The following PHLDB1 variants were observed in gnomAD, a reference collection of about 807,000 sequenced individuals.
PHLDB1 encodes the protein pleckstrin homology-like domain family B member 1.
A neutral mutation model predicts 139.3 loss-of-function variants in PHLDB1; 65 were observed. The ratio of observed to expected loss-of-function variants is 0.47; its 90% CI spans 0.38 to 0.57. PHLDB1 has a LOEUF of 0.57. PHLDB1 is among the 20% of genes least tolerant of loss of function. PHLDB1 has a pLI of 0.00. For synonymous variants in PHLDB1, 679 were observed against 734.5 expected, an observed-to-expected ratio of 0.92 and a Z score of 1.22; for missense variants, 1,624 against 1,839.7, an observed-to-expected ratio of 0.88 and a Z score of 2.14.
chr11:118,655,966 C>A, intron 22 of PHLDB1, 74 bp downstream of exon 22: 2 of 1,039,168 alleles, frequency 1.9e-6, no homozygotes, highest in Non-Finnish European at 3.0e-6. Context: ...CCCTTGACCT[C>A]CCCTTCATCC....
At chr11:118,651,824 T>A (rs1344139298) in intron 20 of PHLDB1, 1 of 151,168 alleles carries the variant, frequency 6.6e-6, no homozygotes. Context: ...GGCTTACAAG[T>A]ACTAGGCTTC....
At chr11:118,640,192 A>G (rs1469073750) in intron 12 of PHLDB1, 1 of 154,342 alleles carries the variant, frequency 6.5e-6, no homozygotes, top group African/African-American at 2.4e-5. Context: ...TGTGCAGCCC[A>G]TTGAATTGCA....
At chr11:118,646,192 G>A (rs530198106) in intron 17 of PHLDB1, 29 of 185,138 alleles carry the variant, frequency 1.6e-4, no homozygotes, top group African/African-American at 5.5e-4. Context: ...CCCGGGAGGC[G>A]GAGGTTGCAG....
chr11:118,632,259 T>C lies in PHLDB1; in HGVS notation c.2342T>C (p.Val781Ala). The C allele has an allele frequency of 3.1e-6, 5 of 1,613,558 alleles. No homozygotes were observed. Among genetic ancestry groups the C allele is most frequent in the Non-Finnish European group, 4.2e-6 (5 of 1,180,018 alleles). ...KAVDQLQEKLVALETGIQKER... is the reference protein window; with the variant it reads ...KAVDQLQEKLAALETGIQKER... Reference sequence around the variant, plus strand: ...GTGGATCAGCTGCAGGAGAAGCTGGTGGCCTTGGAGACAGGCATCCAGAAG... The same window carrying C: ...GTGGATCAGCTGCAGGAGAAGCTGGCGGCCTTGGAGACAGGCATCCAGAAG... Residue 781 changes from valine (V) to alanine (A), a missense_variant, in exon 9 of 23, where the codon GTG becomes GCG. Transcript: ENST00000600882. This position sits in a 1 kb window ranked among gnomAD's most constrained non-coding sequence, Gnocchi z 5.9.
chr11:118,653,602 A>G (rs1285179854), intron 20 of PHLDB1: 5 of 152,126 alleles, frequency 3.3e-5, no homozygotes, highest in African/African-American at 7.2e-5. Flanking sequence ...TTTAGTAGCT[A>G]TTTACATAGC....
At chr11:118,638,373 A>G (rs1353189816) in intron 10 of PHLDB1, among the ~76,000 whole-genome samples, 2 of 152,270 alleles carry the variant, frequency 1.3e-5, no homozygotes, top group South Asian at 2.1e-4. Flanking sequence ...TATTCAAGTA[A>G]TATTCCTTTT....
rs201420570 is a variant in PHLDB1 at position 118,645,679 on chromosome 11, C to G, written c.3416+29C>G. The G allele has an allele frequency of 6.2e-7, 1 of 1,613,282 alleles. No individual in the cohort carries two copies. Among genetic ancestry groups the G allele is most frequent in the Non-Finnish European group, 8.5e-7 (1 of 1,179,236 alleles). The stretch of plus-strand genomic sequence containing the variant: ...CACCCGACGCCTGGGCCCGCAGCCT[C>G]CCTCAGCCACCGCCTCAGCTCCTTG... On this transcript the variant is annotated intron_variant, in intron 16 of 22. Coordinates refer to ENST00000600882, the MANE Select transcript of PHLDB1 (RefSeq NM_001144758.3). The surrounding 1 kb of genome is among the most constrained non-coding windows in gnomAD (Gnocchi z 5.1).
Position 118,610,810 on chromosome 11 carries a change from GGGA to G in PHLDB1, c.-21-3000_-21-2998del, listed in dbSNP as rs1940052677. 6.6e-6 allele frequency among the ~76,000 whole-genome samples: 1 copy of G among 152,222 alleles called. No individual in the cohort carries two copies. Among genetic ancestry groups the G allele is most frequent in the African/African-American group, 2.4e-5 (1 of 41,470 alleles). On this transcript the variant is annotated intron_variant, in intron 1 of 22. Transcript: ENST00000600882. The surrounding 1 kb of genome is among the most constrained non-coding windows in gnomAD (Gnocchi z 8.7). ...CTGGGGTGTCGGCGCATTCCCGCGGGGGAGGAGGCCGAGGGCCCGGGCCGGGGT... is the reference window on the plus strand; with the variant it reads ...CTGGGGTGTCGGCGCATTCCCGCGGGGGAGGCCGAGGGCCCGGGCCGGGGT...
chr11:118,613,922 AAG>A, intron 2 of PHLDB1, 26 bp downstream of exon 2: 2 of 1,447,502 alleles, frequency 1.4e-6, no homozygotes, highest in Non-Finnish European at 1.9e-6. Context: ...GCTGTGAGGC[AAG>A]AGAGATATAA....
At chr11:118,613,980 G>A in intron 2 of PHLDB1, 84 bp downstream of exon 2, 1 of 858,088 alleles carries the variant, frequency 1.2e-6, no homozygotes, top group Non-Finnish European at 1.9e-6. Context: ...CCCAGCCCAA[G>A]GATGAAAGGA....
intron 10 of PHLDB1, among the ~76,000 whole-genome samples, chr11:118,636,136 T>A (rs1301929472): frequency 6.6e-6 from 1 of 152,064 alleles, no homozygotes; most frequent in Non-Finnish European, 1.5e-5. Flanking sequence ...ACTGTGTATG[T>A]TTGGGGAGTA....
intron 6 of PHLDB1, chr11:118,630,025 C>A (rs1168655419): frequency 2.4e-6 from 3 of 1,264,644 alleles, no homozygotes; most frequent in African/African-American, 3.3e-5. Flanking sequence ...AGGCTCTGTT[C>A]CGGTTTTTTT....
At position 118,656,718 on chromosome 11, in the gene PHLDB1, C is replaced by G. The variant is rs1949121813; in HGVS notation, c.4029C>G (p.Thr1343=). Residue 1343 remains threonine, a synonymous_variant, in exon 23 of 23, where the codon ACC becomes ACG. Coordinates refer to ENST00000600882, the MANE Select transcript of PHLDB1 (RefSeq NM_001144758.3). ...PNPALTFCVK[T]HDRLYYMVAP... is the part of the protein sequence containing the mutation. ...CAGCCCTCACCTTCTGCGTAAAGAC[C>G]CATGACCGGCTGTACTACATGGTGG... is the stretch of plus-strand genomic sequence containing the variant. 6.2e-7 allele frequency: 1 copy of G among 1,613,904 alleles called. No individual in the cohort carries two copies. Among genetic ancestry groups the G allele is most frequent in the African/African-American group, 1.3e-5 (1 of 74,918 alleles).
At chr11:118,634,827 G>T (rs529550993) in intron 9 of PHLDB1, 20 of 277,326 alleles carry the variant, frequency 7.2e-5, no homozygotes, top group African/African-American at 4.6e-4. Context: ...CCGCCCTCCC[G>T]CGCTCCCCTC....
intron 11 of PHLDB1, 61 bp from the exon 12 acceptor site, chr11:118,639,101 C>A: frequency 6.5e-7 from 1 of 1,548,776 alleles, no homozygotes; most frequent in Non-Finnish European, 8.9e-7. Flanking sequence ...GAGCACAGGG[C>A]CCCCCTCACA....
At chr11:118,616,286 C>A in intron 4 of PHLDB1, 75 bp downstream of exon 4, 2 of 1,372,754 alleles carry the variant, frequency 1.5e-6, no homozygotes, top group East Asian at 2.3e-5. Context: ...GGGAGGCTGG[C>A]TGTGGTGGTT....
At position 118,644,179 on chromosome 11, in the gene PHLDB1, G is replaced by A. The variant is rs371933959; in HGVS notation, c.3121+5G>A. On this transcript the variant is annotated splice_donor_5th_base_variant and intron_variant, in intron 15 of 22. Coordinates refer to ENST00000600882, the MANE Select transcript of PHLDB1 (RefSeq NM_001144758.3). The stretch of plus-strand genomic sequence containing the variant: ...AACTAGCTCTGCAGCAGAAGGGTGA[G>A]TGACTGCCCCGCCAGCCCACCTGCT... The A allele has an allele frequency of 3.7e-6, 6 of 1,602,852 alleles. No homozygotes were observed. In the African/African-American group the frequency reaches 4.0e-5, roughly 11 times the overall value.
At chr11:118,626,732 T>C (rs1167239276) in intron 5 of PHLDB1, among the ~76,000 whole-genome samples, 1 of 151,368 alleles carries the variant, frequency 6.6e-6, no homozygotes, top group Non-Finnish European at 1.5e-5. Context: ...AGTTCTCAGC[T>C]CACTGCAACT....
chr11:118,631,400 G>A lies in PHLDB1; in HGVS notation c.2021G>A (p.Arg674His), dbSNP rs375882353. The A allele has an allele frequency of 1.4e-4, 203 of 1,495,548 alleles. 1 individual carries two copies. Among genetic ancestry groups the A allele is most frequent in the South Asian group, 8.1e-4 (60 of 73,866 alleles). 92.6% of individuals were successfully genotyped at this position (1,495,548 alleles called of 1,614,324 possible). A position where few individuals can be genotyped will look rare whatever the true frequency, so the allele number is the denominator to read the frequency against. The stretch of plus-strand genomic sequence containing the variant: ...GAGGAGCCTGGCGTTGCCACCCAAC[G>A]CCTATGGGAGAGTATGGAGCGCTCA... ...SSEEPGVATQ[R>H]LWESMERSDE... The change falls in exon 7 of 23, where the codon CGC (arginine) becomes CAC (histidine). Residue 674 changes from arginine (R) to histidine (H), a missense_variant. Coordinates refer to ENST00000600882, the MANE Select transcript of PHLDB1 (RefSeq NM_001144758.3).
Sources: allele counts gnomAD v4.1 joint callset (sites outside exome capture counted in the v4.1 genomes callset), GRCh38; gene constraint gnomAD v4.1.1; non-coding constraint Gnocchi (gnomAD v3.1); transcripts MANE v1.5; gene names NCBI Gene and HGNC (gene_info 2026-07-23, HGNC 2026-07-21).